JAZF1: variants seen among roughly 807,000 people sequenced by gnomAD.
The protein encoded by JAZF1 is JAZF zinc finger 1, also known as juxtaposed with another zinc finger protein 1.
Under a neutral mutation model 26.4 loss-of-function variants are expected in JAZF1, and 8 were observed. That is an observed-to-expected ratio of 0.30 (90% CI 0.18 to 0.55). The LOEUF (loss-of-function observed/expected upper bound fraction) is 0.55. Among genes scored for constraint, JAZF1 ranks in the 20% least tolerant of loss-of-function variants. The pLI, the probability that JAZF1 is intolerant of heterozygous loss-of-function variation, is 0.94. For missense variants in JAZF1, 199 were observed against 322.0 expected, an observed-to-expected ratio of 0.62 and a Z score of 2.92; for synonymous variants, 126 against 122.3, an observed-to-expected ratio of 1.03 and a Z score of -0.20.
chr7:27,942,324 C>T (rs1784860057), intron 2 of JAZF1, among the ~76,000 whole-genome samples: 1 of 152,234 alleles, frequency 6.6e-6, no homozygotes, highest in Non-Finnish European at 1.5e-5. Flanking sequence ...CTACCCAGAT[C>T]ATTTAGTGCA....
At chr7:28,042,305 A>T (rs1224936120) in intron 1 of JAZF1, among the ~76,000 whole-genome samples, 1 of 152,120 alleles carries the variant, frequency 6.6e-6, no homozygotes, top group African/African-American at 2.4e-5. Context: ...ATTCAGAAAG[A>T]CCTTAGAGTT....
At chr7:28,048,972 C>CCCTTCCCTTCCTTCCCTT (rs200476660) in intron 1 of JAZF1, among the ~76,000 whole-genome samples, 2 of 142,068 alleles carry the variant, frequency 1.4e-5, no homozygotes, top group Admixed American at 7.0e-5. Flanking sequence ...TTTTCTTTCT[C>CCCTTCCCTTCCTTCCCTT]CCTTCCCTTC....
At chr7:28,136,707 G>C (rs1782891415) in intron 1 of JAZF1, among the ~76,000 whole-genome samples, 1 of 152,222 alleles carries the variant, frequency 6.6e-6, no homozygotes, top group Non-Finnish European at 1.5e-5. Flanking sequence ...TCTAGTTAGG[G>C]AGAGAGACAG....
chr7:28,107,973 G>C (rs1288275236), intron 1 of JAZF1, among the ~76,000 whole-genome samples: 4 of 152,162 alleles, frequency 2.6e-5, no homozygotes, highest in African/African-American at 7.2e-5. Flanking sequence ...AGCTCAGAAG[G>C]CATTTGCTCC....
chr7:28,133,236 C>T (rs1019505479), intron 1 of JAZF1, among the ~76,000 whole-genome samples: 2 of 152,198 alleles, frequency 1.3e-5, no homozygotes, highest in East Asian at 1.9e-4. Context: ...ATTTACTTTC[C>T]TACTACCAGC....
chr7:27,877,306 T>C (rs918988384), intron 3 of JAZF1, among the ~76,000 whole-genome samples: 2 of 152,218 alleles, frequency 1.3e-5, no homozygotes, highest in African/African-American at 4.8e-5. Flanking sequence ...CTTTTTTTTG[T>C]TGTATATTTT....
intron 2 of JAZF1, among the ~76,000 whole-genome samples, chr7:27,952,630 G>A (rs1185360983): frequency 6.6e-6 from 1 of 152,188 alleles, no homozygotes; most frequent in Non-Finnish European, 1.5e-5. Flanking sequence ...GTTGTTCTCT[G>A]GGCTATGAAT....
intron 1 of JAZF1, among the ~76,000 whole-genome samples, chr7:28,137,639 A>C (rs1165569517): frequency 2.0e-5 from 3 of 152,068 alleles, no homozygotes; most frequent in Non-Finnish European, 2.9e-5. Flanking sequence ...TGGGATATAG[A>C]TGGCAGTGGT....
At chr7:27,929,466 T>G (rs1291988267) in intron 2 of JAZF1, among the ~76,000 whole-genome samples, 2 of 152,190 alleles carry the variant, frequency 1.3e-5, no homozygotes, top group Non-Finnish European at 2.9e-5. Context: ...CACTACAGGG[T>G]ATAAGAACCA....
At chr7:28,074,995 G>A (rs565216774) in intron 1 of JAZF1, among the ~76,000 whole-genome samples, 8 of 152,196 alleles carry the variant, frequency 5.3e-5, no homozygotes, top group Admixed American at 1.3e-4. Flanking sequence ...AAGGACACAC[G>A]TCCCAGGAAA....
chr7:27,998,071 A>AAGGAAGGAAGGCAGGCAGGCAGGCAGGC (rs10691690), intron 1 of JAZF1, among the ~76,000 whole-genome samples: 5 of 111,604 alleles, frequency 4.5e-5, no homozygotes, highest in South Asian at 3.0e-4. Flanking sequence ...GGAAGGAAGG[A>AAGGAAGGAAGGCAGGCAGGCAGGCAGGC]AGGCAGGCAG....
intron 1 of JAZF1, among the ~76,000 whole-genome samples, chr7:28,075,446 CACAT>C (rs1312905121): frequency 2.0e-5 from 3 of 152,110 alleles, no homozygotes; most frequent in South Asian, 2.1e-4. Flanking sequence ...TTAAAATACA[CACAT>C]ACAGAGAGTA....
intron 1 of JAZF1, among the ~76,000 whole-genome samples, chr7:28,175,108 A>G (rs997869665): frequency 1.3e-5 from 2 of 152,218 alleles, no homozygotes; most frequent in African/African-American, 4.8e-5. Flanking sequence ...TCAGGCCACA[A>G]GGAAAGGCCA....
chr7:28,165,710 C>T (rs1306796928), intron 1 of JAZF1, among the ~76,000 whole-genome samples: 1 of 152,152 alleles, frequency 6.6e-6, no homozygotes, highest in Non-Finnish European at 1.5e-5. Flanking sequence ...TCATTCAGAC[C>T]CCTTCTGAAA....
intron 1 of JAZF1, among the ~76,000 whole-genome samples, chr7:28,058,474 C>A (rs920754344): frequency 6.6e-6 from 1 of 152,096 alleles, no homozygotes; most frequent in Non-Finnish European, 1.5e-5. Flanking sequence ...ATTCTACCCC[C>A]CAGTCTCCTA....
At chr7:27,924,223 G>A (rs1467404073) in intron 2 of JAZF1, among the ~76,000 whole-genome samples, 6 of 152,174 alleles carry the variant, frequency 3.9e-5, no homozygotes, top group Non-Finnish European at 7.4e-5. Flanking sequence ...AATTACAGGC[G>A]CCCGCCACCA....
At chr7:28,117,122 CTCTT>C (rs1369654225) in intron 1 of JAZF1, among the ~76,000 whole-genome samples, 1 of 152,154 alleles carries the variant, frequency 6.6e-6, no homozygotes, top group East Asian at 1.9e-4. Flanking sequence ...TTTGTAGAAA[CTCTT>C]TATATGGAGG....
chr7:28,038,746 TC>T (rs1420766279), intron 1 of JAZF1, among the ~76,000 whole-genome samples: 2 of 152,172 alleles, frequency 1.3e-5, no homozygotes, highest in Non-Finnish European at 2.9e-5. Flanking sequence ...GCTTTTCCTT[TC>T]CATATGACTT....
chr7:28,126,865 C>T (rs571596089), intron 1 of JAZF1, among the ~76,000 whole-genome samples: 4 of 152,210 alleles, frequency 2.6e-5, no homozygotes. Flanking sequence ...TAAAGGTCAT[C>T]TCCTTTCCAG....
Sources: gnomAD v4.1 joint callset for allele counts (sites outside exome capture counted in the v4.1 genomes callset) on GRCh38, gnomAD v4.1.1 for gene constraint, MANE v1.5 for transcripts, NCBI Gene and HGNC (gene_info 2026-07-23, HGNC 2026-07-21) for gene names.